The following POGLUT1 variants were observed in gnomAD, a reference collection of about 807,000 sequenced individuals.
POGLUT1 encodes protein O-glucosyltransferase 1.
A neutral mutation model predicts 61.3 loss-of-function variants in POGLUT1; 32 were observed. The ratio of observed to expected loss-of-function variants is 0.52; its 90% CI spans 0.39 to 0.70. The LOEUF is 0.70. POGLUT1 is among the 30% of genes least tolerant of loss of function. POGLUT1 has a pLI of 0.00. For synonymous variants in POGLUT1, 158 were observed against 158.2 expected, an observed-to-expected ratio of 1.00 and a Z score of 0.01; for missense variants, 411 against 469.8, an observed-to-expected ratio of 0.87 and a Z score of 1.16.
At chr3:119,469,143 T>C in intron 1 of POGLUT1, 37 bp downstream of exon 1, 1 of 1,513,766 alleles carries the variant, frequency 6.6e-7, no homozygotes, top group Non-Finnish European at 9.0e-7. Flanking sequence ...CCCCTTGGGC[T>C]CGGGGTCTGG....
chr3:119,490,780 C>T, intron 9 of POGLUT1, 62 bp downstream of exon 9: 1 of 1,404,882 alleles, frequency 7.1e-7, no homozygotes, highest in South Asian at 1.3e-5. Flanking sequence ...TTTAAAAATG[C>T]CTTAATGCCT....
chr3:119,483,465 A>G (rs1485754255), intron 5 of POGLUT1, among the ~76,000 whole-genome samples: 4 of 152,226 alleles, frequency 2.6e-5, no homozygotes, highest in Non-Finnish European at 4.4e-5. Context: ...CTTAACCTCT[A>G]AAGGACCTCA....
Position 119,477,399 on chromosome 3 carries a change from A to G in POGLUT1, c.407A>G (p.Gln136Arg), listed in dbSNP as rs374990390. The change falls in exon 4 of 11, where the codon CAG becomes CGG. Residue 136 changes from glutamine to arginine, a missense_variant. Gln to Arg is a conservative substitution (Grantham distance 43). Coordinates refer to ENST00000295588, the MANE Select transcript of POGLUT1 (RefSeq NM_152305.3). ...EMVINVRDYPQVPKWMEPAIP... is the reference protein window; with the variant it reads ...EMVINVRDYPRVPKWMEPAIP... Reference sequence around the variant, plus strand: ...GTGATCAATGTACGAGATTATCCTCAGGTTCCTAAATGGATGGAGCCTGCC... The same window carrying G: ...GTGATCAATGTACGAGATTATCCTCGGGTTCCTAAATGGATGGAGCCTGCC... 5 of 1,614,164 alleles carry G rather than the reference A, an allele frequency of 3.1e-6. No homozygotes were observed. The highest frequency in any genetic ancestry group is 4.2e-6 in the Non-Finnish European group (5 of 1,179,972).
chr3:119,483,055 A>G (rs1197015978), intron 5 of POGLUT1, among the ~76,000 whole-genome samples: 1 of 152,238 alleles, frequency 6.6e-6, no homozygotes, highest in Admixed American at 6.5e-5. Context: ...AGCCAAGGAA[A>G]TAAAGAGAAG....
chr3:119,493,803 A>ATTTTTTTTTTTTTTTTTTTT lies in POGLUT1; in HGVS notation c.*1367_*1386dup, dbSNP rs58233822. 1.7e-5 allele frequency: 2 copies of ATTTTTTTTTTTTTTTTTTTT among 119,910 alleles called. No homozygotes were observed. Among genetic ancestry groups the ATTTTTTTTTTTTTTTTTTTT allele is most frequent in the Non-Finnish European group, 3.3e-5 (2 of 60,462 alleles). 7.4% of individuals were successfully genotyped at this position (119,910 alleles called of 1,614,324 possible). A position where few individuals can be genotyped will look rare whatever the true frequency, so the allele number is the denominator to read the frequency against. ...GGAATAAGCAGATGTTTAAAGTTGG[A>ATTTTTTTTTTTTTTTTTTTT]TTTTTTTTTTTTTTTTTTTTTGAGT... On this transcript the variant is annotated 3_prime_UTR_variant, in exon 11 of 11. Transcript: ENST00000295588.
intron 3 of POGLUT1, among the ~76,000 whole-genome samples, chr3:119,476,281 C>T (rs1577078942): frequency 1.3e-5 from 2 of 152,190 alleles, no homozygotes; most frequent in East Asian, 1.9e-4. Context: ...CACACCCTTA[C>T]CAACACTGCA....
chr3:119,469,786 T>A (rs745331203), intron 1 of POGLUT1, 34 bp from the exon 2 acceptor site: 30 of 1,207,768 alleles, frequency 2.5e-5, no homozygotes, highest in African/African-American at 4.5e-5. Context: ...TTCAGGAAAA[T>A]TTTTTTAACT....
Position 119,468,989 on chromosome 3 carries a change from C to T in POGLUT1, c.-33C>T, listed in dbSNP as rs371033655. ...TGCGGGGCCGCGCTTCCGCCAGCGC[C>T]GCAGCGGGGAATCTGCAGTAGGTCT... On this transcript the variant is annotated 5_prime_UTR_variant, in exon 1 of 11. Transcript: ENST00000295588. 1.9e-6 allele frequency: 3 copies of T among 1,577,488 alleles called. No individual in the cohort carries two copies. Among genetic ancestry groups the T allele is most frequent in the South Asian group, 2.3e-5 (2 of 88,504 alleles).
At position 119,490,410 on chromosome 3, in the gene POGLUT1, T is replaced by C. The variant is rs911960730; in HGVS notation, c.798-141T>C. On this transcript the variant is annotated intron_variant, in intron 8 of 10. Coordinates refer to ENST00000295588, the MANE Select transcript of POGLUT1 (RefSeq NM_152305.3). ...TAGAAACCACTTAGGAACATATTAATGTGTCCTTGAAAACTCAAAGTGGAA... is the reference window on the plus strand; with the variant it reads ...TAGAAACCACTTAGGAACATATTAACGTGTCCTTGAAAACTCAAAGTGGAA... The C allele has an allele frequency of 8.3e-6, 6 of 723,124 alleles. No individual in the cohort carries two copies. The Admixed American group carries it at 1.5e-4, about 18-fold the overall frequency. The allele number at this position is 723,124 out of a possible 1,614,324, so 44.8% of individuals were successfully genotyped here. A position where few individuals can be genotyped will look rare whatever the true frequency, so the allele number is the denominator to read the frequency against.
At position 119,485,378 on chromosome 3, in the gene POGLUT1, G is replaced by C. The variant is rs1238181348; in HGVS notation, c.629G>C (p.Arg210Pro). 8 of 1,603,190 alleles carry C rather than the reference G, an allele frequency of 5.0e-6. No individual in the cohort carries two copies. Among genetic ancestry groups the C allele is most frequent in the Non-Finnish European group, 6.8e-6 (8 of 1,170,722 alleles). ...WKKKNSTAYF[R>P]GSRTSPERDP... ...AAGAAAAACTCTACAGCATATTTCC[G>C]AGGATCAAGGTGAGTTATTTTCTGA... The change falls in exon 6 of 11, where the codon CGA (arginine) becomes CCA (proline). Residue 210 changes from arginine to proline, a missense_variant. Arg to Pro is a moderately radical substitution (Grantham distance 103). Coordinates refer to ENST00000295588, the MANE Select transcript of POGLUT1 (RefSeq NM_152305.3).
chr3:119,479,890 G>C (rs2107710550), intron 4 of POGLUT1, 161 bp from the exon 5 acceptor site: 3 of 1,504,068 alleles, frequency 2.0e-6, no homozygotes, highest in Non-Finnish European at 2.7e-6. Flanking sequence ...AGTCACTTTT[G>C]CCTTTTAATG....
In POGLUT1 at chr3:119,480,436, C is replaced by T. The variant is rs7652567; in HGVS notation, c.578+264C>T. Among the ~76,000 whole-genome samples, 1,231 of 151,296 alleles carry T rather than the reference C, an allele frequency of 8.1e-3. 7 individuals carry two copies. The highest frequency in any genetic ancestry group is 0.028 in the African/African-American group (1,175 of 41,240). ...GCTAATTTCGTATTTTTAGTAGAGACGGGGTGTCTCCATGTTGGTCAGGCT... is the reference window on the plus strand; with the variant it reads ...GCTAATTTCGTATTTTTAGTAGAGATGGGGTGTCTCCATGTTGGTCAGGCT... On this transcript the variant is annotated intron_variant, in intron 5 of 10. Transcript: ENST00000295588.
intron 9 of POGLUT1, 116 bp from the exon 10 acceptor site, chr3:119,491,402 T>C (rs1315059800): frequency 8.5e-6 from 4 of 472,890 alleles, no homozygotes; most frequent in Non-Finnish European, 1.5e-5. Context: ...TTGAAGGAAA[T>C]AATCCACCAT....
chr3:119,473,860 C>T (rs1409546561), intron 3 of POGLUT1, among the ~76,000 whole-genome samples: 1 of 152,026 alleles, frequency 6.6e-6, no homozygotes, highest in Non-Finnish European at 1.5e-5. Flanking sequence ...GGGGTTTCAC[C>T]TCGTTCGTCA....
At chr3:119,476,965 CT>C (rs1315111040) in intron 3 of POGLUT1, among the ~76,000 whole-genome samples, 2 of 152,110 alleles carry the variant, frequency 1.3e-5, no homozygotes, top group Non-Finnish European at 2.9e-5. Context: ...GAGTTTGTAT[CT>C]TGTCTACTAA....
At chr3:119,483,817 G>A (rs1174908569) in intron 5 of POGLUT1, among the ~76,000 whole-genome samples, 1 of 152,154 alleles carries the variant, frequency 6.6e-6, no homozygotes, top group Non-Finnish European at 1.5e-5. Context: ...AATCAAAAAT[G>A]TCTACAGACA....
chr3:119,475,915 GT>G (rs758119439), intron 3 of POGLUT1, among the ~76,000 whole-genome samples: 2 of 151,306 alleles, frequency 1.3e-5, no homozygotes. Flanking sequence ...GAGCCCAAGA[GT>G]TCAAGATCAG....
Position 119,485,339 on chromosome 3 carries a change from A to G in POGLUT1, c.590A>G (p.Gln197Arg). The G allele has an allele frequency of 1.9e-6, 3 of 1,594,376 alleles. No individual in the cohort carries two copies. Among genetic ancestry groups the G allele is most frequent in the Non-Finnish European group, 2.6e-6 (3 of 1,162,398 alleles). The change falls in exon 6 of 11, where the codon CAG becomes CGG. Residue 197 changes from glutamine to arginine, a missense_variant. Physicochemically the swap from Gln to Arg is conservative, Grantham distance 43. Transcript: ENST00000295588. ...TTCTATATTCTTAGGTCAGCAGCACAGTGGCCATGGAAAAAGAAAAACTCT... is the reference window on the plus strand; with the variant it reads ...TTCTATATTCTTAGGTCAGCAGCACGGTGGCCATGGAAAAAGAAAAACTCT... Reference protein sequence around the residue: ...FREDLVRSAAQWPWKKKNSTA... With the variant: ...FREDLVRSAARWPWKKKNSTA...
rs931430825 is a variant in POGLUT1, at chr3:119,494,556, G to T, written c.*2118G>T. 1.3e-5 allele frequency: 2 copies of T among 152,560 alleles called. No individual in the cohort carries two copies. Among genetic ancestry groups the T allele is most frequent in the South Asian group, 4.1e-4 (2 of 4,824 alleles). 9.5% of individuals were successfully genotyped at this position (152,560 alleles called of 1,614,324 possible). A position where few individuals can be genotyped will look rare whatever the true frequency, so the allele number is the denominator to read the frequency against. ...TGTAAATTGTTTTTGAAAATAATTT[G>T]TTTCCCCACAACTTTTGAAGGTTTT... On this transcript the variant is annotated 3_prime_UTR_variant, in exon 11 of 11. Transcript: ENST00000295588.
Sources: gnomAD v4.1 joint callset for allele counts (sites outside exome capture counted in the v4.1 genomes callset) on GRCh38, gnomAD v4.1.1 for gene constraint, MANE v1.5 for transcripts, NCBI Gene and HGNC (gene_info 2026-07-23, HGNC 2026-07-21) for gene names.